The following SGCD variants were observed in gnomAD, a reference collection of about 807,000 sequenced individuals.
SGCD encodes the protein delta-sarcoglycan.
Under a neutral mutation model 36.6 loss-of-function variants are expected in SGCD, and 18 were observed. The observed-to-expected ratio is 0.49, with a 90% CI of 0.34 to 0.73. SGCD has a LOEUF of 0.73. SGCD is among the 30% of genes least tolerant of loss of function. The probability of loss-of-function intolerance (pLI) is 0.01; values close to 1 mark genes in which losing one functional copy is unlikely to be tolerated. For missense variants in SGCD, 387 were observed against 346.7 expected, an observed-to-expected ratio of 1.12 and a Z score of -0.92; for synonymous variants, 133 against 130.6, an observed-to-expected ratio of 1.02 and a Z score of -0.12.
At chr5:156,274,792 TG>T (rs1474964218) in intron 3 of SGCD, among the ~76,000 whole-genome samples, 5 of 152,156 alleles carry the variant, frequency 3.3e-5, no homozygotes, top group African/African-American at 1.2e-4. Context: ...CCAACAGACA[TG>T]GAGTCTTGCT....
At chr5:155,838,464 A>G in the SGCD span, among the ~76,000 whole-genome samples, 1 of 152,084 alleles carries the variant, frequency 6.6e-6, no homozygotes, top group Non-Finnish European at 1.5e-5. Flanking sequence ...TGCTGATGAT[A>G]TATTTTGCCC....
At chr5:156,292,019 T>A (rs1448506925) in intron 3 of SGCD, among the ~76,000 whole-genome samples, 1 of 152,078 alleles carries the variant, frequency 6.6e-6, no homozygotes, top group Non-Finnish European at 1.5e-5. Flanking sequence ...CAGCCACTAG[T>A]AACCACCATT....
At chr5:156,581,306 G>A (rs1030891056) in intron 4 of SGCD, among the ~76,000 whole-genome samples, 1 of 152,132 alleles carries the variant, frequency 6.6e-6, no homozygotes, top group African/African-American at 2.4e-5. Context: ...TCCCAGAGGG[G>A]CACCTGCCTG....
chr5:156,109,485 T>G (rs1334456186), intron 1 of SGCD, among the ~76,000 whole-genome samples: 1 of 152,212 alleles, frequency 6.6e-6, no homozygotes, highest in African/African-American at 2.4e-5. Context: ...TAATGTAGCC[T>G]GGATGGCTCT....
intron 3 of SGCD, among the ~76,000 whole-genome samples, chr5:156,346,250 C>G (rs1768928497): frequency 6.6e-6 from 1 of 152,046 alleles, no homozygotes; most frequent in Admixed American, 6.6e-5. Context: ...AAATTTCTAT[C>G]TTGAGAAAAT....
At chr5:156,418,646 A>T (rs1262538012) in intron 3 of SGCD, among the ~76,000 whole-genome samples, 1 of 152,164 alleles carries the variant, frequency 6.6e-6, no homozygotes, top group Non-Finnish European at 1.5e-5. Flanking sequence ...CCACAAGGAG[A>T]TGGAGGAGTC....
At chr5:156,349,398 G>GA (rs147107831) in intron 3 of SGCD, among the ~76,000 whole-genome samples, 6,183 of 148,250 alleles carry the variant, frequency 0.042, 429 homozygotes, top group African/African-American at 0.14. Context: ...CTCTAAACAA[G>GA]AAAAAAAAAC....
chr5:156,546,651 AG>A (rs1758587000), intron 4 of SGCD, among the ~76,000 whole-genome samples: 1 of 152,234 alleles, frequency 6.6e-6, no homozygotes, highest in Non-Finnish European at 1.5e-5. Flanking sequence ...AATTAGAGAA[AG>A]CTTTATGGAA....
intron 4 of SGCD, among the ~76,000 whole-genome samples, chr5:156,582,637 T>A (rs1044578570): frequency 2.6e-5 from 4 of 152,246 alleles, no homozygotes; most frequent in African/African-American, 9.6e-5. Flanking sequence ...AGTATTTTTT[T>A]TCTCCTATGC....
At chr5:155,729,682 C>T in the SGCD span, among the ~76,000 whole-genome samples, 5 of 152,180 alleles carry the variant, frequency 3.3e-5, no homozygotes, top group African/African-American at 1.2e-4. Flanking sequence ...CCCCGAGCCC[C>T]GGGCTGCCTC....
the SGCD span, among the ~76,000 whole-genome samples, chr5:155,731,789 G>C: frequency 6.6e-6 from 1 of 152,136 alleles, no homozygotes; most frequent in African/African-American, 2.4e-5. Context: ...ACTCCCCTGG[G>C]AGCCTGTTCC....
At chr5:156,114,222 T>C (rs1237381379) in intron 1 of SGCD, among the ~76,000 whole-genome samples, 4 of 152,248 alleles carry the variant, frequency 2.6e-5, no homozygotes, top group Middle Eastern at 6.8e-3. Flanking sequence ...TGGTGGGTTA[T>C]GCTGTGCATT....
At chr5:156,701,242 C>T (rs1754518988) in intron 7 of SGCD, among the ~76,000 whole-genome samples, 1 of 152,176 alleles carries the variant, frequency 6.6e-6, no homozygotes, top group African/African-American at 2.4e-5. Flanking sequence ...TCTTTGCTGT[C>T]TCAGTAAATG....
At chr5:156,351,484 A>G (rs1769249514) in intron 3 of SGCD, among the ~76,000 whole-genome samples, 1 of 152,114 alleles carries the variant, frequency 6.6e-6, no homozygotes, top group African/African-American at 2.4e-5. Context: ...GCCATTTCCT[A>G]GGAGTAATGA....
intron 3 of SGCD, among the ~76,000 whole-genome samples, chr5:156,295,712 C>T (rs1766875275): frequency 6.6e-6 from 1 of 152,166 alleles, no homozygotes; most frequent in African/African-American, 2.4e-5. Flanking sequence ...AATGTTTGAC[C>T]ATGACCTGCT....
chr5:156,254,438 C>T (rs555175971), intron 3 of SGCD, among the ~76,000 whole-genome samples: 1 of 152,302 alleles, frequency 6.6e-6, no homozygotes, highest in East Asian at 1.9e-4. Context: ...GGCTAAGAAA[C>T]CTTTTGTTCC....
intron 5 of SGCD, among the ~76,000 whole-genome samples, chr5:156,594,724 T>C (rs1406423050): frequency 1.3e-5 from 2 of 152,202 alleles, no homozygotes; most frequent in Admixed American, 1.3e-4. Flanking sequence ...CTAAAAGTAA[T>C]TGACAAGACC....
intron 3 of SGCD, among the ~76,000 whole-genome samples, chr5:156,321,061 G>A (rs182384941): frequency 3.3e-5 from 5 of 152,106 alleles, no homozygotes; most frequent in East Asian, 3.9e-4. Context: ...AAATAAATAC[G>A]GTTTCTATCC....
At chr5:156,014,067 G>A (rs1167315454) in intron 1 of SGCD, among the ~76,000 whole-genome samples, 1 of 151,848 alleles carries the variant, frequency 6.6e-6, no homozygotes, top group East Asian at 1.9e-4. Context: ...GCTAAGGGAT[G>A]AAAATTCTAG....
Sources: allele counts gnomAD v4.1 joint callset (sites outside exome capture counted in the v4.1 genomes callset), GRCh38; gene constraint gnomAD v4.1.1; transcripts MANE v1.5; gene names NCBI Gene and HGNC (gene_info 2026-07-23, HGNC 2026-07-21).